The following BCAS2 variants were observed in gnomAD, a reference collection of about 807,000 sequenced individuals.
BCAS2 encodes the protein pre-mRNA-splicing factor SPF27.
In BCAS2, 34 loss-of-function variants were observed where a neutral mutation model predicts 35.3. That is an observed-to-expected ratio of 0.96 (90% CI 0.73 to 1.28). The LOEUF (loss-of-function observed/expected upper bound fraction) is 1.28. Ranked by LOEUF, BCAS2 falls within the 50% of genes most tolerant of loss-of-function variation. The pLI, the probability that BCAS2 is intolerant of heterozygous loss-of-function variation, is 0.00. For missense variants in BCAS2, 221 were observed against 268.1 expected (o/e 0.82, Z 1.23); for synonymous variants, 75 against 91.6 (o/e 0.82, Z 1.03).
chr1:114,569,475 T>A (rs1426296366), intron 6 of BCAS2, among the ~76,000 whole-genome samples: 1 of 151,786 alleles, frequency 6.6e-6, no homozygotes, highest in Non-Finnish European at 1.5e-5. Context: ...GAAATCTCCC[T>A]CCCTACAAGA....
chr1:114,570,119 C>A, intron 5 of BCAS2, 47 bp from the exon 6 acceptor site: 1 of 1,327,790 alleles, frequency 7.5e-7, no homozygotes, highest in Non-Finnish European at 1.1e-6. Flanking sequence ...AATGTAAGAC[C>A]TAAATCAACA....
chr1:114,570,113 T>C, intron 5 of BCAS2, 41 bp from the exon 6 acceptor site: 1 of 1,405,158 alleles, frequency 7.1e-7, no homozygotes, highest in South Asian at 1.2e-5. Context: ...CATTTTAATG[T>C]AAGACCTAAA....
In BCAS2 at chr1:114,575,755, A is replaced by C. The variant is rs1654747072; in HGVS notation, c.258-4T>G. 3 of 1,609,910 alleles carry C rather than the reference A, an allele frequency of 1.9e-6. No homozygotes were observed. Among genetic ancestry groups the C allele is most frequent in the Non-Finnish European group, 2.5e-6 (3 of 1,179,088 alleles). Reference sequence around the variant, plus strand: ...GGAGGGGGCTGGAAGCTCATATCTGAAATTAAACAACAAAATAAAATAAAA... The same window carrying C: ...GGAGGGGGCTGGAAGCTCATATCTGCAATTAAACAACAAAATAAAATAAAA... On this transcript the variant is annotated splice_polypyrimidine_tract_variant and splice_region_variant and intron_variant, in intron 3 of 6. Transcript: ENST00000369541.
intron 4 of BCAS2, among the ~76,000 whole-genome samples, chr1:114,575,127 C>A (rs569190923): frequency 4.6e-5 from 7 of 151,258 alleles, no homozygotes; most frequent in South Asian, 2.1e-4. Context: ...CCGCCTCGGC[C>A]TCCTGAAGTG....
At chr1:114,572,164 C>T (rs758407845) in intron 4 of BCAS2, among the ~76,000 whole-genome samples, 8 of 152,298 alleles carry the variant, frequency 5.3e-5, no homozygotes, top group Middle Eastern at 3.4e-3. Context: ...CTCAAATTTT[C>T]TGTTGCTCAC....
rs367655259 is a variant in BCAS2 at position 114,581,437 on chromosome 1, A to T, written c.94-46T>A. The stretch of plus-strand genomic sequence containing the variant: ...CAGGGTAGAAGTGGCAAATTGTAAC[A>T]TGTTTCTTTCAGTACCGAGCCAGCT... On this transcript the variant is annotated intron_variant, in intron 1 of 6. Coordinates refer to ENST00000369541, the MANE Select transcript of BCAS2 (RefSeq NM_005872.3). The T allele has an allele frequency of 5.6e-6, 9 of 1,614,018 alleles. No homozygotes were observed. In the African/African-American group the frequency reaches 1.1e-4, roughly 19 times the overall value.
rs750119551 is a variant in BCAS2, at chr1:114,568,259, A to G, written c.552-3T>C. ...TCTTACTGACCAGGGATACCCAACT[A>G]GAATGGGGGGGAAGAAAAGAAAAAA... On this transcript the variant is annotated splice_region_variant and splice_polypyrimidine_tract_variant and intron_variant, in intron 6 of 6. Transcript: ENST00000369541. 7 of 1,607,284 alleles carry G rather than the reference A, an allele frequency of 4.4e-6. No individual in the cohort carries two copies. In the South Asian group the frequency reaches 6.7e-5, roughly 15 times the overall value.
At chr1:114,576,241 C>CTA (rs1301957987) in intron 3 of BCAS2, among the ~76,000 whole-genome samples, 56 of 145,302 alleles carry the variant, frequency 3.9e-4, no homozygotes, top group Middle Eastern at 3.5e-3. Context: ...CTCTCTCTCT[C>CTA]TCTCTCTATA....
intron 2 of BCAS2, among the ~76,000 whole-genome samples, chr1:114,579,104 C>T (rs1043507648): frequency 3.9e-5 from 6 of 152,072 alleles, no homozygotes; most frequent in Middle Eastern, 3.2e-3. Flanking sequence ...GGTGAAACCA[C>T]GTTTCTACTA....
Position 114,581,609 on chromosome 1 carries a change from T to C in BCAS2, c.-18A>G. The C allele has an allele frequency of 1.2e-6, 2 of 1,612,584 alleles. No homozygotes were observed. The highest frequency in any genetic ancestry group is 1.3e-5 in the African/African-American group (1 of 75,012). On this transcript the variant is annotated 5_prime_UTR_variant, in exon 1 of 7. Transcript: ENST00000369541. ...CCCGCCATTCTGAGGACCTCAGGTT[T>C]GCCTGCGTTTTCTGCGTCTGCGTAA...
chr1:114,578,824 A>G (rs1018597838), intron 2 of BCAS2, among the ~76,000 whole-genome samples: 7 of 152,246 alleles, frequency 4.6e-5, no homozygotes, highest in African/African-American at 1.7e-4. Flanking sequence ...GTAATTTCAG[A>G]GGCAGTTTGA....
intron 6 of BCAS2, among the ~76,000 whole-genome samples, chr1:114,569,664 A>AT (rs768378562): frequency 0.032 from 4,304 of 135,692 alleles, 96 homozygotes; most frequent in South Asian, 0.044. Context: ...CACCGTGCCT[A>AT]TTTTTTTTTT....
rs147044259 is a variant in BCAS2 at position 114,579,956 on chromosome 1, G to A, written c.186+1343C>T. Reference sequence around the variant, plus strand: ...TTTTTTTTTTTTTCCCTTTGAGACAGGGTCTCACTCTATTGCCAGGCTGGA... The same window carrying A: ...TTTTTTTTTTTTTCCCTTTGAGACAAGGTCTCACTCTATTGCCAGGCTGGA... On this transcript the variant is annotated intron_variant, in intron 2 of 6. Coordinates refer to ENST00000369541, the MANE Select transcript of BCAS2 (RefSeq NM_005872.3). Among the ~76,000 whole-genome samples the A allele has an allele frequency of 7.5e-3, 1,123 of 150,712 alleles. 8 individuals are homozygous for A. The highest frequency in any genetic ancestry group is 0.027 in the South Asian group (129 of 4,764).
intron 4 of BCAS2, among the ~76,000 whole-genome samples, chr1:114,574,505 T>G (rs1223713327): frequency 6.6e-6 from 1 of 152,242 alleles, no homozygotes; most frequent in African/African-American, 2.4e-5. Context: ...ATTTGAGAGA[T>G]ATGTATATGT....
At position 114,568,260 on chromosome 1, in the gene BCAS2, G is replaced by A. The variant is rs755643719; in HGVS notation, c.552-4C>T. 6.2e-7 allele frequency: 1 copy of A among 1,606,012 alleles called. No homozygotes were observed. The highest frequency in any genetic ancestry group is 1.7e-5 in the Admixed American group (1 of 57,406). ...CTTACTGACCAGGGATACCCAACTAGAATGGGGGGGAAGAAAAGAAAAAAA... is the reference window on the plus strand; with the variant it reads ...CTTACTGACCAGGGATACCCAACTAAAATGGGGGGGAAGAAAAGAAAAAAA... On this transcript the variant is annotated splice_region_variant and splice_polypyrimidine_tract_variant and intron_variant, in intron 6 of 6. Coordinates refer to ENST00000369541, the MANE Select transcript of BCAS2 (RefSeq NM_005872.3).
In BCAS2 at chr1:114,578,103, T is replaced by C. The variant is rs888599430; in HGVS notation, c.187-1345A>G. 5.3e-5 allele frequency among the ~76,000 whole-genome samples: 8 copies of C among 152,042 alleles called. No homozygotes were observed. The East Asian group carries it at 9.6e-4, about 18-fold the overall frequency. ...ATACTCGGAGGCTGAGGCAGGAGAATTGCTTGAACCTGGGAGGTGGAGGTT... is the reference window on the plus strand; with the variant it reads ...ATACTCGGAGGCTGAGGCAGGAGAACTGCTTGAACCTGGGAGGTGGAGGTT... On this transcript the variant is annotated intron_variant, in intron 2 of 6. Coordinates refer to ENST00000369541, the MANE Select transcript of BCAS2 (RefSeq NM_005872.3).
In BCAS2 at chr1:114,570,765, GA is replaced by G; in HGVS notation, c.420-16del. ...GAACTAGATTTCTGAAGGAAAAGAG[GA>G]AAATCAGATTAAAATACATTAAAAT... On this transcript the variant is annotated splice_polypyrimidine_tract_variant and intron_variant, in intron 4 of 6. Transcript: ENST00000369541. 1 of 1,552,842 alleles carries G rather than the reference GA, an allele frequency of 6.4e-7. No homozygotes were observed. The highest frequency in any genetic ancestry group is 8.8e-7 in the Non-Finnish European group (1 of 1,135,816).
intron 2 of BCAS2, among the ~76,000 whole-genome samples, chr1:114,577,007 T>C (rs1654784990): frequency 6.6e-6 from 1 of 152,056 alleles, no homozygotes; most frequent in Non-Finnish European, 1.5e-5. Flanking sequence ...CCTAAACCAG[T>C]GGTTCTTAAT....
intron 3 of BCAS2, among the ~76,000 whole-genome samples, chr1:114,576,397 G>A (rs1176816011): frequency 6.7e-6 from 1 of 150,306 alleles, no homozygotes; most frequent in Non-Finnish European, 1.5e-5. Flanking sequence ...CAAGTAGCTG[G>A]GTCCACGGGT....
Sources: allele counts gnomAD v4.1 joint callset (sites outside exome capture counted in the v4.1 genomes callset), GRCh38; gene constraint gnomAD v4.1.1; transcripts MANE v1.5; gene names NCBI Gene and HGNC (gene_info 2026-07-23, HGNC 2026-07-21).